The following FAM81A variants were observed in gnomAD, a reference collection of about 807,000 sequenced individuals.
FAM81A encodes protein FAM81A.
A neutral mutation model predicts 46.7 loss-of-function variants in FAM81A; 19 were observed. The observed-to-expected ratio is 0.41, with a 90% confidence interval of 0.28 to 0.60. The LOEUF (loss-of-function observed/expected upper bound fraction) is 0.60, where lower values mean the gene tolerates loss of function less well. Ranked by LOEUF, FAM81A falls within the 20% of genes least tolerant of loss-of-function variation. The pLI, the probability that FAM81A is intolerant of heterozygous loss-of-function variation, is 0.34. For missense variants in FAM81A, 377 were observed against 453.5 expected, an observed-to-expected ratio of 0.83 and a Z score of 1.53; for synonymous variants, 183 against 152.9, an observed-to-expected ratio of 1.20 and a Z score of -1.45.
chr15:59,424,822 A>C (rs2081188496), intron 2 of FAM81A, among the ~76,000 whole-genome samples: 1 of 152,076 alleles, frequency 6.6e-6, no homozygotes, highest in Non-Finnish European at 1.5e-5. Flanking sequence ...GTCATACCTC[A>C]CTACTACAAT....
intron 2 of FAM81A, among the ~76,000 whole-genome samples, chr15:59,403,863 G>A (rs2140464724): frequency 6.6e-6 from 1 of 150,638 alleles, no homozygotes; most frequent in Admixed American, 6.6e-5. Flanking sequence ...GAATTGATGG[G>A]GACCAAATTG....
chr15:59,430,072 C>T lies in FAM81A; in HGVS notation c.-78+27714C>T, dbSNP rs148133759. ...GAAAAATAAACTAAACAGCTGAAAG[C>T]AAGGGCCAGATAATTGTCTGGTGGT... On this transcript the variant is annotated intron_variant, in intron 2 of 4. Transcript: ENST00000558348. 8.3e-3 allele frequency among the ~76,000 whole-genome samples: 1,261 copies of T among 152,128 alleles called. 18 individuals are homozygous for T. The highest frequency in any genetic ancestry group is 0.028 in the African/African-American group (1,173 of 41,498).
At position 59,514,286 on chromosome 15, in the gene FAM81A, TAG is replaced by T; in HGVS notation, c.651-1_651del. On this transcript the variant is annotated splice_acceptor_variant, in intron 6 of 8. Coordinates refer to ENST00000288228, the MANE Select transcript of FAM81A (RefSeq NM_152450.3). LOFTEE classifies it high-confidence loss of function. Reference sequence around the variant, plus strand: ...CATCTAACTTGCAATTTTTTTTTTTTAGATTTAAAGGTACAGTTGAGGAACTC... The same window carrying T: ...CATCTAACTTGCAATTTTTTTTTTTTATTTAAAGGTACAGTTGAGGAACTC... The T allele has an allele frequency of 6.4e-7, 1 of 1,563,428 alleles. No individual in the cohort carries two copies.
chr15:59,518,331 A>C (rs1238906610), intron 8 of FAM81A, among the ~76,000 whole-genome samples: 2 of 151,772 alleles, frequency 1.3e-5, no homozygotes, highest in Non-Finnish European at 2.9e-5. Flanking sequence ...AATTAAAAAA[A>C]ATGACAGAAT....
chr15:59,415,895 A>G (rs1244757152), intron 2 of FAM81A, among the ~76,000 whole-genome samples: 2 of 152,232 alleles, frequency 1.3e-5, no homozygotes, highest in Non-Finnish European at 2.9e-5. Context: ...AGCAGAAATG[A>G]ACTGATTAAG....
chr15:59,419,951 G>A (rs2081163774), intron 2 of FAM81A, among the ~76,000 whole-genome samples: 1 of 152,162 alleles, frequency 6.6e-6, no homozygotes, highest in Non-Finnish European at 1.5e-5. Flanking sequence ...GGATCATGCA[G>A]CTGGAATGTA....
intron 1 of FAM81A, among the ~76,000 whole-genome samples, chr15:59,450,570 A>G (rs2081407056): frequency 6.6e-6 from 1 of 152,032 alleles, no homozygotes; most frequent in African/African-American, 2.4e-5. Context: ...TGATCTTTTC[A>G]TACTTGATTT....
intron 3 of FAM81A, among the ~76,000 whole-genome samples, chr15:59,490,516 C>T (rs1003656558): frequency 4.1e-4 from 63 of 152,276 alleles, no homozygotes; most frequent in African/African-American, 1.4e-3. Context: ...CATTGATCAT[C>T]AGAGAAATGC....
At chr15:59,456,159 G>A (rs1252825244) in intron 1 of FAM81A, among the ~76,000 whole-genome samples, 1 of 152,186 alleles carries the variant, frequency 6.6e-6, no homozygotes, top group South Asian at 2.1e-4. Flanking sequence ...GGCTAGTGGG[G>A]CTTTAAAGAG....
At chr15:59,449,848 CT>C (rs1349792065) in intron 1 of FAM81A, among the ~76,000 whole-genome samples, 4 of 140,920 alleles carry the variant, frequency 2.8e-5, no homozygotes, top group African/African-American at 1.0e-4. Context: ...CTTCAGCTTA[CT>C]TTTTTCACTT....
At chr15:59,439,829 G>C (rs7177658) in intron 1 of FAM81A, 151,149 of 152,352 alleles carry the variant, frequency 0.99, 74,992 homozygotes, top group Middle Eastern at 1. Context: ...GCTTGGAAAC[G>C]TTATTAGCGC....
At chr15:59,405,779 C>T (rs774995572) in intron 2 of FAM81A, among the ~76,000 whole-genome samples, 8 of 152,230 alleles carry the variant, frequency 5.3e-5, no homozygotes, top group African/African-American at 1.9e-4. Flanking sequence ...CCCTCTTTCT[C>T]CCACACTGCT....
rs917247959 is a variant in FAM81A, at chr15:59,523,533, G to A, written c.*2155G>A. The stretch of plus-strand genomic sequence containing the variant: ...CTTTACCAGAAATTTGCAATAAAAA[G>A]AAAAATAAAATTTTCACATAAATGT... On this transcript the variant is annotated 3_prime_UTR_variant, in exon 9 of 9. Coordinates refer to ENST00000288228, the MANE Select transcript of FAM81A (RefSeq NM_152450.3). The A allele has an allele frequency of 6.6e-6, 1 of 152,152 alleles. No homozygotes were observed. The highest frequency in any genetic ancestry group is 1.9e-4 in the East Asian group (1 of 5,204). The allele number at this position is 152,152 out of a possible 1,614,324, so 9.4% of individuals were successfully genotyped here.
At chr15:59,492,153 A>T (rs764506276) in intron 3 of FAM81A, 118 bp from the exon 4 acceptor site, 3 of 696,638 alleles carry the variant, frequency 4.3e-6, no homozygotes, top group African/African-American at 1.8e-5. Context: ...ACTGTTGAAA[A>T]GGAGTCTCTT....
rs2081830685 is a variant in FAM81A at position 59,480,078 on chromosome 15, G to A, written c.295-12193G>A. ...AGATGGGGAGAAGATGGATTCTGGA[G>A]TGATTTTGGAGATAGAGCTGACAGG... On this transcript the variant is annotated intron_variant, in intron 3 of 8. Coordinates refer to ENST00000288228, the MANE Select transcript of FAM81A (RefSeq NM_152450.3). 2.6e-5 allele frequency among the ~76,000 whole-genome samples: 4 copies of A among 152,148 alleles called. No homozygotes were observed. In the South Asian group the frequency reaches 8.3e-4, roughly 32 times the overall value.
intron 3 of FAM81A, among the ~76,000 whole-genome samples, chr15:59,465,104 T>A (rs1457543362): frequency 6.6e-6 from 1 of 152,176 alleles, no homozygotes. Context: ...GGCACCTTTG[T>A]CCAAAATCAG....
At chr15:59,413,536 T>C (rs2081131926) in intron 2 of FAM81A, among the ~76,000 whole-genome samples, 1 of 152,062 alleles carries the variant, frequency 6.6e-6, no homozygotes, top group Admixed American at 6.6e-5. Context: ...GGATATAATC[T>C]TGGGCAAATC....
chr15:59,441,471 G>C (rs1271036813), intron 1 of FAM81A, among the ~76,000 whole-genome samples: 1 of 152,232 alleles, frequency 6.6e-6, no homozygotes, highest in Non-Finnish European at 1.5e-5. Flanking sequence ...AATTGAAGTA[G>C]TCACATAGGG....
intron 3 of FAM81A, among the ~76,000 whole-genome samples, chr15:59,486,737 C>T (rs1280207487): frequency 6.6e-6 from 1 of 151,852 alleles, no homozygotes; most frequent in South Asian, 2.1e-4. Flanking sequence ...CTTTAAAGTG[C>T]TGAAGGAAAA....
Sources: gnomAD v4.1 joint callset for allele counts (sites outside exome capture counted in the v4.1 genomes callset) on GRCh38, gnomAD v4.1.1 for gene constraint, MANE v1.5 for transcripts, NCBI Gene and HGNC (gene_info 2026-07-23, HGNC 2026-07-21) for gene names.